The following FOXJ3 variants were observed in gnomAD, a reference collection of about 807,000 sequenced individuals.
The protein encoded by FOXJ3 is forkhead box J3.
Under a neutral mutation model 76.1 loss-of-function variants are expected in FOXJ3, and 22 were observed. The ratio of observed to expected loss-of-function variants is 0.29; its 90% CI spans 0.21 to 0.41. The LOEUF (loss-of-function observed/expected upper bound fraction) is 0.41. Ranked by LOEUF, FOXJ3 falls within the 10% of genes least tolerant of loss-of-function variation. The probability of loss-of-function intolerance (pLI) is 1.00; values close to 1 mark genes in which losing one functional copy is unlikely to be tolerated. For missense variants in FOXJ3, 613 were observed against 762.1 expected (o/e 0.80, Z 2.30); for synonymous variants, 269 against 261.2 (o/e 1.03, Z -0.29).
chr1:42,272,698 A>C (rs1222728299), intron 3 of FOXJ3, among the ~76,000 whole-genome samples: 2 of 152,202 alleles, frequency 1.3e-5, no homozygotes, highest in African/African-American at 4.8e-5. Flanking sequence ...GGCTATCGGC[A>C]AGGAGTATCA....
chr1:42,209,624 C>T (rs776958165), intron 5 of FOXJ3, among the ~76,000 whole-genome samples: 1 of 152,102 alleles, frequency 6.6e-6, no homozygotes. Flanking sequence ...ATCCAGGCCA[C>T]GGGGGAATGC....
At chr1:42,237,603 T>C (rs1462860066) in intron 4 of FOXJ3, among the ~76,000 whole-genome samples, 5 of 151,522 alleles carry the variant, frequency 3.3e-5, no homozygotes, top group Non-Finnish European at 7.4e-5. Context: ...TAATGGAACC[T>C]TGTAAGGAGC....
intron 7 of FOXJ3, among the ~76,000 whole-genome samples, chr1:42,197,364 G>A (rs1307934157): frequency 6.6e-6 from 1 of 152,052 alleles, no homozygotes; most frequent in African/African-American, 2.4e-5. Flanking sequence ...AAAAAGGGGG[G>A]GAGGTCTGAT....
chr1:42,294,093 A>G (rs1015036184), intron 2 of FOXJ3, among the ~76,000 whole-genome samples: 1 of 152,240 alleles, frequency 6.6e-6, no homozygotes, highest in African/African-American at 2.4e-5. Flanking sequence ...ATCCACAATT[A>G]TAAGGATACT....
intron 4 of FOXJ3, among the ~76,000 whole-genome samples, chr1:42,261,064 C>G (rs939487295): frequency 6.6e-6 from 1 of 152,156 alleles, no homozygotes; most frequent in African/African-American, 2.4e-5. Context: ...AAAGGTTAAG[C>G]TGAAAAGCAG....
chr1:42,228,167 T>C (rs1371406135), intron 4 of FOXJ3, among the ~76,000 whole-genome samples: 1 of 152,120 alleles, frequency 6.6e-6, no homozygotes. Flanking sequence ...AAGAAAACTT[T>C]CATAAACTGA....
Position 42,227,895 on chromosome 1 carries a change from T to A in FOXJ3, c.516A>T (p.Arg172=). ...VLPTRPKKRA[R]SVERASTPYS... is the part of the protein sequence containing the mutation. The stretch of plus-strand genomic sequence containing the variant: ...AAAGAGCCTTTACCCGTTCTACAGA[T>A]CGTGCCCTCTTCTTTGGCCGAGTAG... Residue 172 remains arginine (R), a synonymous_variant, in exon 5 of 13, where the codon CGA becomes CGT. Transcript: ENST00000361346. The A allele has an allele frequency of 1.3e-6, 2 of 1,573,006 alleles. No individual in the cohort carries two copies. Among genetic ancestry groups the A allele is most frequent in the Non-Finnish European group, 1.7e-6 (2 of 1,150,100 alleles).
chr1:42,237,146 G>C (rs1050748953), intron 4 of FOXJ3, among the ~76,000 whole-genome samples: 1 of 151,790 alleles, frequency 6.6e-6, no homozygotes, highest in Admixed American at 6.6e-5. Flanking sequence ...GAGGCCGAGG[G>C]GGGTGGATCA....
chr1:42,235,631 C>T (rs995366815), intron 4 of FOXJ3, among the ~76,000 whole-genome samples: 3 of 151,744 alleles, frequency 2.0e-5, no homozygotes, highest in Non-Finnish European at 2.9e-5. Context: ...GGCGCAACCT[C>T]GGCTCACTGC....
At chr1:42,279,064 T>C (rs1406328144) in intron 2 of FOXJ3, among the ~76,000 whole-genome samples, 1 of 152,178 alleles carries the variant, frequency 6.6e-6, no homozygotes, top group African/African-American at 2.4e-5. Flanking sequence ...AAGCTTAAAA[T>C]GTACCTCTGG....
At chr1:42,258,181 G>A (rs1650753920) in intron 4 of FOXJ3, among the ~76,000 whole-genome samples, 1 of 152,132 alleles carries the variant, frequency 6.6e-6, no homozygotes, top group African/African-American at 2.4e-5. Flanking sequence ...TCTTGTCCCT[G>A]ACTTCTTTGG....
At position 42,179,755 on chromosome 1, in the gene FOXJ3, A is replaced by T. The variant is rs755731005; in HGVS notation, c.1824T>A (p.Pro608=). 2.5e-6 allele frequency: 4 copies of T among 1,613,972 alleles called. No homozygotes were observed. The highest frequency in any genetic ancestry group is 1.3e-5 in the African/African-American group (1 of 75,024). ...CAAAGTCATCCTGGATGTCATCTGG[A>T]GGCAGGGAACGCCGCATCTGGAAGG... ...SQAFQMRRSL[P]PDDIQDDFDW... is the part of the protein sequence containing the mutation. Residue 608 remains proline (P), a synonymous_variant, in exon 13 of 13, where the codon CCT becomes CCA. Coordinates refer to ENST00000361346, the MANE Select transcript of FOXJ3 (RefSeq NM_014947.5).
At chr1:42,309,124 A>G (rs137976529) in intron 2 of FOXJ3, among the ~76,000 whole-genome samples, 70 of 152,030 alleles carry the variant, frequency 4.6e-4, no homozygotes, top group African/African-American at 1.6e-3. Flanking sequence ...TGTGTGTGGC[A>G]TTCTGGAAAA....
intron 2 of FOXJ3, among the ~76,000 whole-genome samples, chr1:42,283,751 G>A (rs1338765782): frequency 1.3e-5 from 2 of 151,988 alleles, no homozygotes; most frequent in Non-Finnish European, 2.9e-5. Context: ...CATCTCTTTG[G>A]GTCAATATGT....
intron 1 of FOXJ3, chr1:42,323,580 C>T (rs1052169310): frequency 1.3e-5 from 4 of 319,706 alleles, no homozygotes; most frequent in African/African-American, 2.2e-5. Flanking sequence ...ATCCACGAAG[C>T]TTTTGTCATC....
At chr1:42,256,589 G>A (rs1402056696) in intron 4 of FOXJ3, among the ~76,000 whole-genome samples, 1 of 152,202 alleles carries the variant, frequency 6.6e-6, no homozygotes, top group East Asian at 1.9e-4. Flanking sequence ...ATAACCAACT[G>A]TTGGCCATGG....
At chr1:42,324,542 C>T (rs562521254) in intron 1 of FOXJ3, among the ~76,000 whole-genome samples, 121 of 151,936 alleles carry the variant, frequency 8.0e-4, no homozygotes, top group African/African-American at 2.8e-3. Context: ...TTCTAAGAAA[C>T]GTGTCGTTAG....
intron 4 of FOXJ3, among the ~76,000 whole-genome samples, chr1:42,246,949 C>A (rs1303743964): frequency 6.6e-6 from 1 of 152,052 alleles, no homozygotes; most frequent in African/African-American, 2.4e-5. Flanking sequence ...CATATAGTAT[C>A]ATTCATATGT....
chr1:42,253,943 A>G (rs1173849493), intron 4 of FOXJ3, among the ~76,000 whole-genome samples: 1 of 151,532 alleles, frequency 6.6e-6, no homozygotes, highest in Non-Finnish European at 1.5e-5. Context: ...CAATGGCAAC[A>G]AAAGCCAAAA....
Sources: gnomAD v4.1 joint callset for allele counts (sites outside exome capture counted in the v4.1 genomes callset) on GRCh38, gnomAD v4.1.1 for gene constraint, MANE v1.5 for transcripts, NCBI Gene and HGNC (gene_info 2026-07-23, HGNC 2026-07-21) for gene names.